Variants in UNC13A observed in about 807,000 individuals in gnomAD.
The protein encoded by UNC13A is unc-13 homolog A, also known as protein unc-13 homolog A.
A neutral mutation model predicts 219.7 loss-of-function variants in UNC13A; 61 were observed. The observed-to-expected ratio is 0.28, with a 90% CI of 0.23 to 0.34. UNC13A has a LOEUF of 0.34. Ranked by LOEUF, UNC13A falls within the 10% of genes least tolerant of loss-of-function variation. UNC13A has a pLI of 1.00. For missense variants in UNC13A, 1,476 were observed against 2,270.3 expected (o/e 0.65, Z 7.11); for synonymous variants, 920 against 884.6 (o/e 1.04, Z -0.71).
chr19:17,687,464 C>A lies in UNC13A; in HGVS notation c.22+714G>T, dbSNP rs557187776. ...TGGGAGAACCGGAGGGGGCAGGGAG[C>A]GGGAAGACCTTCTGGACATTCCTCC... On this transcript the variant is annotated intron_variant, in intron 1 of 43. Coordinates refer to ENST00000519716, the MANE Select transcript of UNC13A (RefSeq NM_001080421.3). Among the ~76,000 whole-genome samples, 12 of 152,180 alleles carry A rather than the reference C, an allele frequency of 7.9e-5. No individual in the cohort carries two copies. In the South Asian group the frequency reaches 2.5e-3, roughly 32 times the overall value.
chr19:17,605,035 T>C lies in UNC13A; in HGVS notation c.*1019A>G, dbSNP rs893372048. ...TGGGAGGCCCTCATGGCATCCCCCA[T>C]GGAGATCCCAGGAGAAAGGGCTGAG... On this transcript the variant is annotated 3_prime_UTR_variant, in exon 44 of 44. Coordinates refer to ENST00000519716, the MANE Select transcript of UNC13A (RefSeq NM_001080421.3). 1.3e-5 allele frequency: 2 copies of C among 152,616 alleles called. No individual in the cohort carries two copies. The highest frequency in any genetic ancestry group is 6.5e-5 in the Admixed American group (1 of 15,282). The allele number at this position is 152,616 out of a possible 1,614,324, so 9.5% of individuals were successfully genotyped here. A position where few individuals can be genotyped will look rare whatever the true frequency, so the allele number is the denominator to read the frequency against.
rs187337002 is a variant in UNC13A, at chr19:17,680,440, G to A, written c.23-4399C>T. Among the ~76,000 whole-genome samples the A allele has an allele frequency of 4.5e-3, 686 of 152,300 alleles. 3 individuals are homozygous for A. Among genetic ancestry groups the A allele is most frequent in the Non-Finnish European group, 6.9e-3 (467 of 68,008 alleles). On this transcript the variant is annotated intron_variant, in intron 1 of 43. Coordinates refer to ENST00000519716, the MANE Select transcript of UNC13A (RefSeq NM_001080421.3). The stretch of plus-strand genomic sequence containing the variant: ...GCGGACAGGGGGGCGGGGATGAGGG[G>A]GGTGCCCACTGCTGTCCCCAGCGAC...
At chr19:17,669,426 A>C (rs1238946402) in intron 5 of UNC13A, 127 bp downstream of exon 5, 4 of 1,332,506 alleles carry the variant, frequency 3.0e-6, no homozygotes, top group Non-Finnish European at 4.0e-6. Context: ...CTCCGGGGCG[A>C]AGGACCCTCA....
chr19:17,611,949 G>C (rs55962550), intron 41 of UNC13A, 94 bp from the exon 42 acceptor site: 1 of 1,094,446 alleles, frequency 9.1e-7, no homozygotes, highest in East Asian at 2.4e-5. Flanking sequence ...CTGTGCTGGC[G>C]GCACCAGGTC....
At position 17,619,125 on chromosome 19, in the gene UNC13A, G is replaced by A. The variant is rs563664463; in HGVS notation, c.4273-163C>T. On this transcript the variant is annotated intron_variant, in intron 38 of 43. Transcript: ENST00000519716. ...CCCAGGAAGAACTGAGGAGGATGTG[G>A]TGACCTTGTCCCTGAAAATCCCGGT... The A allele has an allele frequency of 6.1e-6, 4 of 660,164 alleles. No homozygotes were observed. The South Asian group carries it at 7.3e-5, about 12-fold the overall frequency. 40.9% of individuals were successfully genotyped at this position (660,164 alleles called of 1,614,324 possible). A position where few individuals can be genotyped will look rare whatever the true frequency, so the allele number is the denominator to read the frequency against.
chr19:17,688,235 G>GCC lies in UNC13A; in HGVS notation c.-38_-37dup. ...TCGCAGGTGGGCCGGAGGCGGCCGG[G>GCC]CCGGCTCTGTCGGGTCGGGCTCAGC... On this transcript the variant is annotated 5_prime_UTR_variant, in exon 1 of 44. Transcript: ENST00000519716. The GCC allele has an allele frequency of 6.8e-7, 1 of 1,480,692 alleles. No individual in the cohort carries two copies. The highest frequency in any genetic ancestry group is 1.3e-5 in the South Asian group (1 of 76,056). 91.7% of individuals were successfully genotyped at this position (1,480,692 alleles called of 1,614,324 possible).
At chr19:17,623,949 A>G (rs1229151425) in intron 35 of UNC13A, among the ~76,000 whole-genome samples, 3 of 151,954 alleles carry the variant, frequency 2.0e-5, no homozygotes, top group East Asian at 1.9e-4. Context: ...TGGATGGCCA[A>G]TGATCTCTGC....
intron 11 of UNC13A, among the ~76,000 whole-genome samples, chr19:17,653,064 A>G (rs1388608859): frequency 6.6e-6 from 1 of 152,102 alleles, no homozygotes; most frequent in African/African-American, 2.4e-5. Context: ...GGGTCTCAGC[A>G]TAGACGTGGG....
At chr19:17,634,423 C>T (rs967850886) in intron 26 of UNC13A, among the ~76,000 whole-genome samples, 2 of 152,060 alleles carry the variant, frequency 1.3e-5, no homozygotes, top group African/African-American at 4.8e-5. Context: ...ACTGCAACCT[C>T]CACCACCCGG....
intron 6 of UNC13A, among the ~76,000 whole-genome samples, chr19:17,667,640 A>AT (rs1409305864): frequency 6.6e-6 from 1 of 151,690 alleles, no homozygotes; most frequent in Non-Finnish European, 1.5e-5. Flanking sequence ...TGCCTAGCTA[A>AT]TTTTTTGTAC....
rs1446779116 is a variant in UNC13A, at chr19:17,602,786, A to AT, written c.*3267dup. On this transcript the variant is annotated 3_prime_UTR_variant, in exon 44 of 44. Transcript: ENST00000519716. ...AAGGGGAAGGTTGGTACGGACAGAC[A>AT]TGGACAGACATGCATGCGGATGTGT... 1 of 152,318 alleles carries AT rather than the reference A, an allele frequency of 6.6e-6. No individual in the cohort carries two copies. 9.4% of individuals were successfully genotyped at this position (152,318 alleles called of 1,614,324 possible). A position where few individuals can be genotyped will look rare whatever the true frequency, so the allele number is the denominator to read the frequency against.
Position 17,647,257 on chromosome 19 carries a change from C to A in UNC13A, c.2044+8G>T. ...GGAGGGGCCCTATGGCGGCCCACGC[C>A]CCCTCACCGGTGATGCTGATCTTGG... On this transcript the variant is annotated splice_region_variant and intron_variant, in intron 17 of 43. Coordinates refer to ENST00000519716, the MANE Select transcript of UNC13A (RefSeq NM_001080421.3). The A allele has an allele frequency of 6.4e-7, 1 of 1,562,038 alleles. No homozygotes were observed. Among genetic ancestry groups the A allele is most frequent in the Non-Finnish European group, 8.7e-7 (1 of 1,153,746 alleles).
Position 17,673,217 on chromosome 19 carries a change from C to T in UNC13A, c.153-722G>A, listed in dbSNP as rs142972766. ...CACTAAAAATACAAAATTAGCCGGG[C>T]GTGGTGGTGCATGTCTGTAATTCCA... On this transcript the variant is annotated intron_variant, in intron 3 of 43. Coordinates refer to ENST00000519716, the MANE Select transcript of UNC13A (RefSeq NM_001080421.3). Among the ~76,000 whole-genome samples the T allele has an allele frequency of 7.6e-3, 1,151 of 151,454 alleles. 19 individuals carry two copies. Among genetic ancestry groups the T allele is most frequent in the African/African-American group, 0.027 (1,107 of 41,246 alleles).
intron 38 of UNC13A, chr19:17,619,189 G>T: frequency 1.8e-6 from 1 of 562,962 alleles, no homozygotes; most frequent in South Asian, 2.4e-5. Flanking sequence ...GCCCCACCCA[G>T]GCTTGTGTAA....
At position 17,686,298 on chromosome 19, in the gene UNC13A, G is replaced by GCCCCCC. The variant is rs533722538; in HGVS notation, c.22+1874_22+1879dup. ...CGTCAGAGTTAAGGGTGAGATCCCCGCCCCCCCCCCCCCCCCCCCACTCCA... is the reference window on the plus strand; with the variant it reads ...CGTCAGAGTTAAGGGTGAGATCCCCGCCCCCCCCCCCCCCCCCCCCCCCCCACTCCA... On this transcript the variant is annotated intron_variant, in intron 1 of 43. Coordinates refer to ENST00000519716, the MANE Select transcript of UNC13A (RefSeq NM_001080421.3). Among the ~76,000 whole-genome samples, 372 of 81,704 alleles carry GCCCCCC rather than the reference G, an allele frequency of 4.6e-3. 44 individuals carry two copies. The highest frequency in any genetic ancestry group is 0.03 in the East Asian group (17 of 574). The allele number at this position is 81,704 out of a possible 152,430, so 53.6% of individuals were successfully genotyped here.
At chr19:17,663,414 C>T in intron 8 of UNC13A, 118 bp downstream of exon 8, 1 of 1,146,576 alleles carries the variant, frequency 8.7e-7, no homozygotes, top group East Asian at 2.5e-5. Flanking sequence ...CTCTGGCCCC[C>T]ACGTGCTCGT....
At chr19:17,629,644 A>G (rs2076820456) in intron 30 of UNC13A, among the ~76,000 whole-genome samples, 1 of 152,156 alleles carries the variant, frequency 6.6e-6, no homozygotes, top group South Asian at 2.1e-4. Context: ...AGGTCAACAC[A>G]GCCTAATGCC....
chr19:17,666,006 CCTTCCTTCCTTTCTTCCTTCTTG>C (rs2079633600), intron 7 of UNC13A, among the ~76,000 whole-genome samples: 2 of 27,370 alleles, frequency 7.3e-5, no homozygotes, highest in Non-Finnish European at 1.9e-4. Context: ...AACTCTCCTT[CCTTCCTTCCTTTCTTCCTTCTTG>C]TCTTTCATCA....
chr19:17,681,528 C>T (rs546814900), intron 1 of UNC13A, among the ~76,000 whole-genome samples: 33 of 152,266 alleles, frequency 2.2e-4, no homozygotes, highest in African/African-American at 7.2e-4. Flanking sequence ...ACAAATAGAC[C>T]AGAGCCAGAC....
Sources: gnomAD v4.1 joint callset for allele counts (sites outside exome capture counted in the v4.1 genomes callset) on GRCh38, gnomAD v4.1.1 for gene constraint, MANE v1.5 for transcripts, NCBI Gene and HGNC (gene_info 2026-07-23, HGNC 2026-07-21) for gene names.